ARHGAP22: variants seen among roughly 807,000 people sequenced by gnomAD.
ARHGAP22 encodes rho GTPase-activating protein 22.
Under a neutral mutation model 59.1 loss-of-function variants are expected in ARHGAP22, and 48 were observed. That is an observed-to-expected ratio of 0.81 (90% CI 0.64 to 1.03). ARHGAP22 has a LOEUF of 1.03. Ranked by LOEUF, ARHGAP22 falls within the 50% of genes least tolerant of loss-of-function variation. The pLI, the probability that ARHGAP22 is intolerant of heterozygous loss-of-function variation, is 0.00. For synonymous variants in ARHGAP22, 445 were observed against 416.4 expected (o/e 1.07, Z -0.84); for missense variants, 1,015 against 958.7 (o/e 1.06, Z -0.78).
At position 48,519,391 on chromosome 10, in the gene ARHGAP22, G is replaced by A. The variant is rs144289182; in HGVS notation, c.322+36072C>T. ...TCTGTCCACCAGCAAAGGGGCACAG[G>A]GTCTGCAGGAACCCATGCCCAGAGC... On this transcript the variant is annotated intron_variant, in intron 3 of 9. Coordinates refer to ENST00000249601, the MANE Select transcript of ARHGAP22 (RefSeq NM_021226.4). Among the ~76,000 whole-genome samples the A allele has an allele frequency of 3.7e-3, 570 of 152,312 alleles. 3 individuals are homozygous for A. The highest frequency in any genetic ancestry group is 6.8e-3 in the Middle Eastern group (2 of 294).
chr10:48,635,307 G>A (rs1383108941), intron 1 of ARHGAP22, among the ~76,000 whole-genome samples: 1 of 152,220 alleles, frequency 6.6e-6, no homozygotes, highest in African/African-American at 2.4e-5. Flanking sequence ...ACTCCTCCAA[G>A]GTTGGTAAGA....
chr10:48,552,176 T>C (rs2056946982), intron 3 of ARHGAP22, among the ~76,000 whole-genome samples: 1 of 152,290 alleles, frequency 6.6e-6, no homozygotes. Context: ...CTTGGAATTC[T>C]GTCACATTTC....
At chr10:48,648,438 A>G (rs1238925037) in intron 1 of ARHGAP22, among the ~76,000 whole-genome samples, 1 of 151,936 alleles carries the variant, frequency 6.6e-6, no homozygotes, top group East Asian at 1.9e-4. Context: ...CCGGCTGAGG[A>G]TTTAACTGCT....
intron 4 of ARHGAP22, 167 bp downstream of exon 4, chr10:48,479,469 G>C: frequency 7.8e-7 from 1 of 1,284,008 alleles, no homozygotes; most frequent in South Asian, 1.5e-5. Context: ...CAGCCGTTGG[G>C]TGACTCCCGA....
At chr10:48,612,698 T>C (rs1394553494) in intron 1 of ARHGAP22, among the ~76,000 whole-genome samples, 4 of 152,264 alleles carry the variant, frequency 2.6e-5, no homozygotes, top group African/African-American at 9.6e-5. Flanking sequence ...TTTCTGGCTT[T>C]AGCTGATTTG....
intron 3 of ARHGAP22, among the ~76,000 whole-genome samples, chr10:48,535,087 A>T (rs923991158): frequency 7.9e-5 from 12 of 152,176 alleles, no homozygotes; most frequent in African/African-American, 2.9e-4. Context: ...GCTGCTGCTG[A>T]CACTGTAAGG....
At chr10:48,560,391 T>G (rs533151071) in intron 2 of ARHGAP22, among the ~76,000 whole-genome samples, 224 of 152,304 alleles carry the variant, frequency 1.5e-3, no homozygotes, top group African/African-American at 5.3e-3. Context: ...CATTTTTTAC[T>G]TCAGTAGATT....
intron 2 of ARHGAP22, chr10:48,556,759 C>A (rs2057333910): frequency 6.6e-6 from 1 of 152,170 alleles, no homozygotes; most frequent in African/African-American, 2.4e-5. Flanking sequence ...TAAATAAATG[C>A]CTGCTATTAT....
At chr10:48,569,128 G>C (rs886392924) in intron 2 of ARHGAP22, among the ~76,000 whole-genome samples, 1 of 152,230 alleles carries the variant, frequency 6.6e-6, no homozygotes, top group Non-Finnish European at 1.5e-5. Flanking sequence ...TGAAACTAGT[G>C]CTATGCTCTG....
chr10:48,459,574 A>C (rs1003407823), intron 5 of ARHGAP22, 110 bp downstream of exon 5: 24 of 1,272,198 alleles, frequency 1.9e-5, no homozygotes, highest in Admixed American at 7.0e-5. Flanking sequence ...GGGCTGGCCC[A>C]CCATCCTGTC....
the ARHGAP22 span, among the ~76,000 whole-genome samples, chr10:48,440,647 T>C: frequency 6.6e-6 from 1 of 152,116 alleles, no homozygotes; most frequent in African/African-American, 2.4e-5. Context: ...GAGAGAAGAC[T>C]GACACGCTGG....
At chr10:48,438,411 T>C in the ARHGAP22 span, 1 of 152,248 alleles carries the variant, frequency 6.6e-6, no homozygotes, top group Non-Finnish European at 1.5e-5. Context: ...GGGGTACGAT[T>C]AGAAAACTCG....
intron 1 of ARHGAP22, among the ~76,000 whole-genome samples, chr10:48,639,467 G>C (rs2061953786): frequency 6.6e-6 from 1 of 152,200 alleles, no homozygotes; most frequent in African/African-American, 2.4e-5. Flanking sequence ...AACTTTGAGA[G>C]TATTTCCCTA....
intron 3 of ARHGAP22, among the ~76,000 whole-genome samples, chr10:48,515,464 G>A (rs1470131582): frequency 6.6e-6 from 1 of 152,162 alleles, no homozygotes; most frequent in Non-Finnish European, 1.5e-5. Flanking sequence ...GAACGCAGGA[G>A]ATTTTAATAA....
At chr10:48,572,521 C>T (rs2058461949) in intron 2 of ARHGAP22, among the ~76,000 whole-genome samples, 1 of 152,198 alleles carries the variant, frequency 6.6e-6, no homozygotes. Flanking sequence ...ATAGGGCCTG[C>T]CTGCAATGCA....
the ARHGAP22 span, chr10:48,434,899 A>C: frequency 6.2e-7 from 1 of 1,613,500 alleles, no homozygotes; most frequent in East Asian, 2.2e-5. Context: ...GCAGTGATCA[A>C]TGGCTCTCAG....
intron 2 of ARHGAP22, among the ~76,000 whole-genome samples, chr10:48,559,663 C>T (rs966306897): frequency 1.2e-4 from 18 of 152,126 alleles, no homozygotes; most frequent in African/African-American, 3.9e-4. Context: ...TATTTATTGA[C>T]CATTTGTATT....
intron 1 of ARHGAP22, among the ~76,000 whole-genome samples, chr10:48,635,873 C>A (rs2061796408): frequency 1.3e-5 from 2 of 152,226 alleles, no homozygotes; most frequent in Admixed American, 1.3e-4. Context: ...AAGGACTGCA[C>A]TTTTGAGCTT....
chr10:48,441,174 G>T (rs2045192212), downstream of ARHGAP22, among the ~76,000 whole-genome samples: 1 of 152,182 alleles, frequency 6.6e-6, no homozygotes, highest in Admixed American at 6.5e-5. Flanking sequence ...CTTTTCTTGT[G>T]AGGTCTGTGT....
Sources: gnomAD v4.1 joint callset for allele counts (sites outside exome capture counted in the v4.1 genomes callset) on GRCh38, gnomAD v4.1.1 for gene constraint, MANE v1.5 for transcripts, NCBI Gene and HGNC (gene_info 2026-07-23, HGNC 2026-07-21) for gene names.